The following EPC1 variants were observed in gnomAD, a reference collection of about 807,000 sequenced individuals.
The protein encoded by EPC1 is enhancer of polycomb homolog 1.
Under a neutral mutation model 98.4 loss-of-function variants are expected in EPC1, and 12 were observed. The observed-to-expected ratio is 0.12, with a 90% CI of 0.08 to 0.20. EPC1 has a LOEUF of 0.20. Ranked by LOEUF, EPC1 falls within the 10% of genes least tolerant of loss-of-function variation. The probability of loss-of-function intolerance (pLI) is 1.00; values close to 1 mark genes in which losing one functional copy is unlikely to be tolerated. For synonymous variants in EPC1, 357 were observed against 363.9 expected (o/e 0.98, Z 0.21); for missense variants, 729 against 990.5 (o/e 0.74, Z 3.54).
intron 2 of EPC1, among the ~76,000 whole-genome samples, chr10:32,301,848 C>T (rs1349035810): frequency 6.6e-6 from 1 of 151,492 alleles, no homozygotes; most frequent in African/African-American, 2.4e-5. Context: ...AGGCAAAGAG[C>T]CCTTAGACTT....
chr10:32,292,796 T>C, intron 4 of EPC1, 152 bp from the exon 5 acceptor site: 1 of 871,870 alleles, frequency 1.1e-6, no homozygotes, highest in Admixed American at 3.5e-5. Context: ...AATTTTGTAT[T>C]GATTTTTAAA....
At position 32,347,154 on chromosome 10, in the gene EPC1, A is replaced by G; in HGVS notation, c.-239T>C. The G allele has an allele frequency of 1.4e-6, 2 of 1,399,036 alleles. No individual in the cohort carries two copies. Among genetic ancestry groups the G allele is most frequent in the East Asian group, 2.7e-5 (1 of 36,562 alleles). The allele number at this position is 1,399,036 out of a possible 1,614,324, so 86.7% of individuals were successfully genotyped here. A position where few individuals can be genotyped will look rare whatever the true frequency, so the allele number is the denominator to read the frequency against. ...CCAACATGGCGGACATTAAAACTCC[A>G]CTGTGCGCTCTTCAGCCAACCCCAG... On this transcript the variant is annotated 5_prime_UTR_variant, in exon 1 of 14. Transcript: ENST00000319778.
At chr10:32,364,989 C>T (rs980045684) in intron 1 of EPC1, among the ~76,000 whole-genome samples, 1 of 151,248 alleles carries the variant, frequency 6.6e-6, no homozygotes, top group African/African-American at 2.4e-5. Context: ...TCCAATGTGG[C>T]CCAGGGAAGC....
Position 32,327,364 on chromosome 10 carries a change from G to C in EPC1, c.153+19399C>G, listed in dbSNP as rs117429931. On this transcript the variant is annotated intron_variant, in intron 1 of 13. Coordinates refer to ENST00000319778, the MANE Select transcript of EPC1 (RefSeq NM_001272004.3). The stretch of plus-strand genomic sequence containing the variant: ...AGGGGTACAATTTACAGTCAGATAG[G>C]AGTAAGTTCTGGTACTCTATTGGAC... Among the ~76,000 whole-genome samples, 712 of 152,266 alleles carry C rather than the reference G, an allele frequency of 4.7e-3. 6 individuals are homozygous for C. Among genetic ancestry groups the C allele is most frequent in the Middle Eastern group, 0.017 (5 of 294 alleles).
intron 1 of EPC1, chr10:32,345,421 A>G (rs1048731920): frequency 7.1e-6 from 7 of 985,258 alleles, no homozygotes; most frequent in Admixed American, 6.1e-5. Context: ...ACAGAGCATA[A>G]TTTCTACATT....
chr10:32,306,411 T>G (rs1444028350), intron 1 of EPC1, among the ~76,000 whole-genome samples: 1 of 152,242 alleles, frequency 6.6e-6, no homozygotes, highest in Non-Finnish European at 1.5e-5. Flanking sequence ...ATCTCCATTT[T>G]GAGTTGAAAC....
intron 1 of EPC1, among the ~76,000 whole-genome samples, chr10:32,368,632 C>T (rs945449140): frequency 6.6e-6 from 1 of 152,030 alleles, no homozygotes; most frequent in Non-Finnish European, 1.5e-5. Context: ...AAACCTTATA[C>T]TCTATGTGAC....
intron 10 of EPC1, chr10:32,282,120 C>T (rs1006950722): frequency 2.6e-5 from 4 of 152,044 alleles, no homozygotes; most frequent in African/African-American, 9.7e-5. Flanking sequence ...AACAGTGTTA[C>T]CCTACAGTAG....
At chr10:32,319,792 T>A (rs1021594503) in intron 1 of EPC1, among the ~76,000 whole-genome samples, 9 of 152,160 alleles carry the variant, frequency 5.9e-5, no homozygotes, top group Admixed American at 2.6e-4. Context: ...CTCTCCTGCC[T>A]CAGCTCCCGA....
At chr10:32,375,967 TA>T (rs966790863) in intron 1 of EPC1, among the ~76,000 whole-genome samples, 7 of 151,834 alleles carry the variant, frequency 4.6e-5, no homozygotes, top group Admixed American at 3.9e-4. Flanking sequence ...TGTTATCAAT[TA>T]AAAAAAATAA....
intron 1 of EPC1, among the ~76,000 whole-genome samples, chr10:32,378,229 C>G (rs971885038): frequency 2.3e-4 from 35 of 151,938 alleles, no homozygotes; most frequent in African/African-American, 8.5e-4. Context: ...ACAAGTCCAT[C>G]TTGAAATATC....
At chr10:32,274,812 A>G (rs908318576) in intron 10 of EPC1, among the ~76,000 whole-genome samples, 1 of 152,214 alleles carries the variant, frequency 6.6e-6, no homozygotes, top group Non-Finnish European at 1.5e-5. Flanking sequence ...GAAATGTGTT[A>G]TACCAAAACT....
intron 11 of EPC1, 50 bp from the exon 12 acceptor site, chr10:32,272,217 T>A (rs948279188): frequency 1.3e-6 from 2 of 1,487,586 alleles, no homozygotes; most frequent in African/African-American, 1.4e-5. Flanking sequence ...TAGTATCAAA[T>A]CAATATCAAA....
chr10:32,342,967 C>A (rs1838465763), intron 1 of EPC1, among the ~76,000 whole-genome samples: 1 of 152,050 alleles, frequency 6.6e-6, no homozygotes, highest in Non-Finnish European at 1.5e-5. Flanking sequence ...GAATGCGAAG[C>A]CGTAGCACAA....
chr10:32,309,974 C>T (rs999814136), intron 1 of EPC1, among the ~76,000 whole-genome samples: 3 of 151,508 alleles, frequency 2.0e-5, no homozygotes, highest in Non-Finnish European at 2.9e-5. Flanking sequence ...GAGGGTATAT[C>T]GTTTGAGGTC....
At chr10:32,376,301 G>A (rs1839870710) in intron 1 of EPC1, among the ~76,000 whole-genome samples, 1 of 151,978 alleles carries the variant, frequency 6.6e-6, no homozygotes, top group South Asian at 2.1e-4. Context: ...CACATGTTTA[G>A]TTTTCAGAGA....
intron 1 of EPC1, among the ~76,000 whole-genome samples, chr10:32,358,925 G>A (rs1354880691): frequency 6.6e-6 from 1 of 152,138 alleles, no homozygotes. Flanking sequence ...GGTAAGTTAG[G>A]GAAATACTGC....
intron 10 of EPC1, chr10:32,282,631 C>T (rs987369066): frequency 3.3e-5 from 5 of 152,168 alleles, no homozygotes; most frequent in African/African-American, 1.2e-4. Context: ...TAATGCTCAT[C>T]TTTTAATGTT....
At chr10:32,347,360 C>T (rs1219284598), upstream of EPC1, 6 of 237,214 alleles carry the variant, frequency 2.5e-5, no homozygotes, top group South Asian at 4.8e-4. Flanking sequence ...GCGGACAGGG[C>T]GGACTGGGCG....
Sources: allele counts gnomAD v4.1 joint callset (sites outside exome capture counted in the v4.1 genomes callset), GRCh38; gene constraint gnomAD v4.1.1; transcripts MANE v1.5; gene names NCBI Gene and HGNC (gene_info 2026-07-23, HGNC 2026-07-21).